Variants in TMEM45A observed in about 807,000 individuals in gnomAD.
TMEM45A encodes the protein DNA polymerase-transactivated protein 4.
Under a neutral mutation model 32.0 loss-of-function variants are expected in TMEM45A, and 25 were observed. The observed-to-expected ratio is 0.78, with a 90% CI of 0.57 to 1.09. The LOEUF (loss-of-function observed/expected upper bound fraction) is 1.09, where lower values mean the gene tolerates loss of function less well. Among genes scored for constraint, TMEM45A ranks in the 50% least tolerant of loss-of-function variants. TMEM45A has a pLI of 0.00. For missense variants in TMEM45A, 302 were observed against 325.0 expected, an observed-to-expected ratio of 0.93 and a Z score of 0.54; for synonymous variants, 122 against 114.8, an observed-to-expected ratio of 1.06 and a Z score of -0.40.
chr3:100,565,549 T>C (rs887587966), intron 4 of TMEM45A, among the ~76,000 whole-genome samples: 2 of 152,140 alleles, frequency 1.3e-5, no homozygotes, highest in African/African-American at 4.8e-5. Context: ...ATTATCGAGA[T>C]AATAAGGATA....
At chr3:100,537,577 G>A (rs1376115058) in intron 1 of TMEM45A, among the ~76,000 whole-genome samples, 1 of 152,162 alleles carries the variant, frequency 6.6e-6, no homozygotes, top group Non-Finnish European at 1.5e-5. Flanking sequence ...ACGCTCCAGT[G>A]TCCTCCTGAG....
chr3:100,538,760 A>G (rs1304408186), intron 1 of TMEM45A, among the ~76,000 whole-genome samples: 1 of 152,190 alleles, frequency 6.6e-6, no homozygotes, highest in African/African-American at 2.4e-5. Context: ...TAACAAAAAG[A>G]TATAAAATTA....
chr3:100,529,409 T>C (rs1705606783), intron 1 of TMEM45A, among the ~76,000 whole-genome samples: 1 of 152,120 alleles, frequency 6.6e-6, no homozygotes, highest in South Asian at 2.1e-4. Context: ...CGGGAAGAGA[T>C]GGAGACTCAA....
At chr3:100,539,096 G>C (rs1705797524) in intron 1 of TMEM45A, among the ~76,000 whole-genome samples, 1 of 152,132 alleles carries the variant, frequency 6.6e-6, no homozygotes, top group Non-Finnish European at 1.5e-5. Flanking sequence ...ATATTAAACT[G>C]ATTCTAAAGT....
chr3:100,573,339 A>G (rs1357365198), intron 5 of TMEM45A: 3 of 151,870 alleles, frequency 2.0e-5, no homozygotes, highest in African/African-American at 7.3e-5. Context: ...TTGGATTCCT[A>G]GGTATTTTAT....
In TMEM45A at chr3:100,539,486, T is replaced by C. The variant is rs150417574; in HGVS notation, c.-3-15723T>C. Reference sequence around the variant, plus strand: ...GTATATGTATATGTATATGTATATGTATATGTATACGTATACGTATACGTA... The same window carrying C: ...GTATATGTATATGTATATGTATATGCATATGTATACGTATACGTATACGTA... On this transcript the variant is annotated intron_variant, in intron 1 of 5. Coordinates refer to ENST00000323523, the MANE Select transcript of TMEM45A (RefSeq NM_018004.3). Among the ~76,000 whole-genome samples, 760 of 102,606 alleles carry C rather than the reference T, an allele frequency of 7.4e-3. 15 individuals are homozygous for C. The highest frequency in any genetic ancestry group is 0.011 in the Non-Finnish European group (471 of 42,056). The allele number at this position is 102,606 out of a possible 152,430, so 67.3% of individuals were successfully genotyped here.
intron 5 of TMEM45A, among the ~76,000 whole-genome samples, chr3:100,570,425 C>A (rs1484881904): frequency 6.6e-6 from 1 of 152,242 alleles, no homozygotes; most frequent in African/African-American, 2.4e-5. Flanking sequence ...CTCTGTTCAG[C>A]TGCAGGTCAG....
At chr3:100,516,677 C>T (rs1290520857) in intron 1 of TMEM45A, among the ~76,000 whole-genome samples, 1 of 152,170 alleles carries the variant, frequency 6.6e-6, no homozygotes, top group East Asian at 1.9e-4. Context: ...TCAGAAAAGG[C>T]TATGATGGGA....
At chr3:100,551,926 C>T (rs918317543) in intron 1 of TMEM45A, among the ~76,000 whole-genome samples, 30 of 152,158 alleles carry the variant, frequency 2.0e-4, no homozygotes, top group African/African-American at 7.2e-4. Context: ...TCCCCATTGC[C>T]TCCTTATTAC....
intron 5 of TMEM45A, chr3:100,573,238 G>C (rs1407418493): frequency 6.6e-6 from 1 of 151,488 alleles, no homozygotes; most frequent in Middle Eastern, 3.4e-3. Flanking sequence ...CATGAGCATG[G>C]AATGTTCTTC....
chr3:100,538,607 G>A (rs186601405), intron 1 of TMEM45A, among the ~76,000 whole-genome samples: 1 of 152,240 alleles, frequency 6.6e-6, no homozygotes, highest in Admixed American at 6.5e-5. Context: ...GACTGGGAAG[G>A]AAGAAAGAAA....
intron 1 of TMEM45A, among the ~76,000 whole-genome samples, chr3:100,521,998 G>T (rs1156557181): frequency 2.0e-5 from 3 of 152,076 alleles, no homozygotes; most frequent in African/African-American, 7.2e-5. Context: ...GCAGCATTTT[G>T]GTGCTCCAGT....
intron 1 of TMEM45A, among the ~76,000 whole-genome samples, chr3:100,528,884 T>A (rs1006128185): frequency 5.3e-5 from 8 of 152,146 alleles, no homozygotes; most frequent in Non-Finnish European, 8.8e-5. Context: ...TAATGAACAT[T>A]CACATTAAAA....
intron 1 of TMEM45A, among the ~76,000 whole-genome samples, chr3:100,494,343 C>T (rs576321661): frequency 6.6e-6 from 1 of 152,208 alleles, no homozygotes; most frequent in Admixed American, 6.5e-5. Flanking sequence ...AAAGTTGCAG[C>T]CTGGGCGCGG....
intron 1 of TMEM45A, among the ~76,000 whole-genome samples, chr3:100,507,275 G>A (rs1216973694): frequency 6.6e-6 from 1 of 152,182 alleles, no homozygotes; most frequent in Non-Finnish European, 1.5e-5. Flanking sequence ...TGGCACCTGG[G>A]CATTCTTTCC....
chr3:100,525,086 A>C (rs1244822940), intron 1 of TMEM45A, among the ~76,000 whole-genome samples: 1 of 151,918 alleles, frequency 6.6e-6, no homozygotes, highest in Non-Finnish European at 1.5e-5. Context: ...TATTTGGGAG[A>C]CTGAGGCAGG....
At chr3:100,570,308 C>T (rs772648705) in intron 5 of TMEM45A, among the ~76,000 whole-genome samples, 7 of 152,346 alleles carry the variant, frequency 4.6e-5, no homozygotes, top group Non-Finnish European at 1.0e-4. Flanking sequence ...GACATGGACC[C>T]CAAGTCACCC....
intron 1 of TMEM45A, among the ~76,000 whole-genome samples, chr3:100,517,175 G>A (rs909304898): frequency 6.6e-6 from 1 of 151,960 alleles, no homozygotes; most frequent in African/African-American, 2.4e-5. Flanking sequence ...GGAGTGCAGT[G>A]GCACAATCTG....
intron 1 of TMEM45A, among the ~76,000 whole-genome samples, chr3:100,524,556 T>C (rs961367971): frequency 6.6e-6 from 1 of 152,300 alleles, no homozygotes; most frequent in East Asian, 1.9e-4. Flanking sequence ...ACGAGCCACA[T>C]GTGGCTATTG....
Sources: gnomAD v4.1 joint callset for allele counts (sites outside exome capture counted in the v4.1 genomes callset) on GRCh38, gnomAD v4.1.1 for gene constraint, MANE v1.5 for transcripts, NCBI Gene and HGNC (gene_info 2026-07-23, HGNC 2026-07-21) for gene names.